Variants in VCF2 observed in about 807,000 individuals in gnomAD.
The protein encoded by VCF2 is protein VCF2.
the VCF2 span, among the ~76,000 whole-genome samples, chrX:55,147,265 G>C: frequency 3.4e-3 from 316 of 93,051 alleles, 3 homozygotes; most frequent in African/African-American, 0.012. Flanking sequence ...ATAGTCCATA[G>C]GTCATTTGCA....
the VCF2 span, among the ~76,000 whole-genome samples, chrX:55,149,275 T>A: frequency 1.8e-5 from 2 of 110,750 alleles, no homozygotes; most frequent in South Asian, 3.8e-4. Flanking sequence ...TTAATTTGCT[T>A]AGAAAAAAAC....
At chrX:55,160,764 T>C in the VCF2 span, 1 of 1,075,329 alleles carries the variant, frequency 9.3e-7, no homozygotes, top group Non-Finnish European at 1.2e-6. Context: ...ACCGAGGAAA[T>C]GCCAATTTGA....
At chrX:55,145,923 G>C in the VCF2 span, 12 of 1,037,082 alleles carry the variant, frequency 1.2e-5, no homozygotes, top group African/African-American at 1.9e-5. Flanking sequence ...TTTATTCACA[G>C]CCCCTTTAAA....
the VCF2 span, chrX:55,143,952 C>T: frequency 9.1e-6 from 6 of 657,190 alleles, no homozygotes; most frequent in Non-Finnish European, 1.4e-5. Flanking sequence ...TGGAATAAGA[C>T]TGTGCTTACT....
chrX:55,157,968 A>T, the VCF2 span, among the ~76,000 whole-genome samples: 2 of 112,605 alleles, frequency 1.8e-5, no homozygotes, highest in Non-Finnish European at 1.9e-5. Flanking sequence ...TTTTACAGGG[A>T]AAGTGGTGGT....
chrX:55,156,417 T>C, the VCF2 span, among the ~76,000 whole-genome samples: 3 of 112,219 alleles, frequency 2.7e-5, no homozygotes, highest in African/African-American at 9.7e-5. Flanking sequence ...CTGTAGAAAC[T>C]TGAGTAAGTA....
At chrX:55,153,881 G>A in the VCF2 span, among the ~76,000 whole-genome samples, 354 of 111,559 alleles carry the variant, frequency 3.2e-3, 1 homozygote, top group Middle Eastern at 0.014. Context: ...CTAGTAAAGA[G>A]CATCTACAAA....
At chrX:55,159,075 A>G in the VCF2 span, 1 of 953,054 alleles carries the variant, frequency 1.0e-6, no homozygotes, top group Non-Finnish European at 1.4e-6. Flanking sequence ...CACAAATTGG[A>G]TAATTTAGTG....
At chrX:55,153,656 C>T in the VCF2 span, among the ~76,000 whole-genome samples, 1 of 110,730 alleles carries the variant, frequency 9.0e-6, no homozygotes, top group Admixed American at 9.6e-5. Flanking sequence ...CCACCGCGCC[C>T]GTCCTGTATC....
At chrX:55,153,235 C>T in the VCF2 span, among the ~76,000 whole-genome samples, 2 of 112,276 alleles carry the variant, frequency 1.8e-5, no homozygotes, top group Admixed American at 9.4e-5. Context: ...AATAAACTTT[C>T]TATATTGAGA....
At chrX:55,153,563 A>G in the VCF2 span, among the ~76,000 whole-genome samples, 2 of 108,163 alleles carry the variant, frequency 1.8e-5, no homozygotes, top group East Asian at 2.9e-4. Flanking sequence ...GGGTTTCACC[A>G]TGTTAGCCAG....
chrX:55,161,101 G>T, the VCF2 span: 2 of 1,207,207 alleles, frequency 1.7e-6, no homozygotes, highest in Non-Finnish European at 2.2e-6. Flanking sequence ...CCAGAGCTCG[G>T]ACTGGTACCG....
At chrX:55,151,321 T>C in the VCF2 span, among the ~76,000 whole-genome samples, 1 of 112,321 alleles carries the variant, frequency 8.9e-6, no homozygotes, top group Admixed American at 9.4e-5. Context: ...TCATATATTG[T>C]CTACACAGTA....
the VCF2 span, among the ~76,000 whole-genome samples, chrX:55,154,750 T>C: frequency 8.9e-6 from 1 of 112,559 alleles, no homozygotes; most frequent in Admixed American, 9.4e-5. Flanking sequence ...CTTTGACTCG[T>C]GTGCATATGC....
At chrX:55,161,040 C>A in the VCF2 span, 19 of 1,179,828 alleles carry the variant, frequency 1.6e-5, no homozygotes, top group Non-Finnish European at 2.0e-5. Flanking sequence ...GCGTTTCCGC[C>A]CTGAGCCCCG....
chrX:55,146,755 A>T, the VCF2 span, among the ~76,000 whole-genome samples: 5 of 112,543 alleles, frequency 4.4e-5, no homozygotes, highest in Non-Finnish European at 9.4e-5. Context: ...AGTTACAATG[A>T]AGCAAATAAG....
chrX:55,156,831 GAAAAA>G, the VCF2 span, among the ~76,000 whole-genome samples: 1 of 103,767 alleles, frequency 9.6e-6, no homozygotes, highest in African/African-American at 3.5e-5. Context: ...AAACAAAAAT[GAAAAA>G]AAAAAGACTG....
chrX:55,159,071 T>C, the VCF2 span: 1 of 923,000 alleles, frequency 1.1e-6, no homozygotes, highest in South Asian at 2.5e-5. Flanking sequence ...GGAGCACAAA[T>C]TGGATAATTT....
At chrX:55,158,642 A>C in the VCF2 span, among the ~76,000 whole-genome samples, 1 of 111,750 alleles carries the variant, frequency 8.9e-6, no homozygotes, top group South Asian at 3.7e-4. Flanking sequence ...TCAAAATATC[A>C]CATGTACCCC....
Sources: allele counts gnomAD v4.1 joint callset (sites outside exome capture counted in the v4.1 genomes callset), GRCh38; gene constraint gnomAD v4.1.1; transcripts MANE v1.5; gene names NCBI Gene and HGNC (gene_info 2026-07-23, HGNC 2026-07-21).